The following ITLN1 variants were observed in gnomAD, a reference collection of about 807,000 sequenced individuals.
The protein encoded by ITLN1 is intelectin 1, also known as intelectin-1.
ITLN1 carries 29 observed loss-of-function variants against 36.2 expected under a neutral mutation model. The observed-to-expected ratio is 0.80, with a 90% CI of 0.60 to 1.09. The LOEUF is 1.09. Among genes scored for constraint, ITLN1 ranks in the 50% least tolerant of loss-of-function variants. ITLN1 has a pLI of 0.00. For missense variants in ITLN1, 358 were observed against 405.2 expected, an observed-to-expected ratio of 0.88 and a Z score of 1.00; for synonymous variants, 143 against 146.5, an observed-to-expected ratio of 0.98 and a Z score of 0.17.
chr1:160,881,105 C>T, intron 5 of ITLN1, 49 bp downstream of exon 5: 1 of 1,530,844 alleles, frequency 6.5e-7, no homozygotes. Flanking sequence ...CTAACACTTG[C>T]TTCTCTGTAC....
Position 160,876,714 on chromosome 1 carries a change from T to C in ITLN1, c.892A>G (p.Ser298Gly), listed in dbSNP as rs760967059. 36 of 1,614,122 alleles carry C rather than the reference T, an allele frequency of 2.2e-5. No homozygotes were observed. Among genetic ancestry groups the C allele is most frequent in the Non-Finnish European group, 3.1e-5 (36 of 1,180,048 alleles). ...WSGYGTHVGY[S>G]SSREITEAAV... ...GCCTCAGTTATCTCACGGCTGCTGC[T>C]GTAACCAACATGAGTTCCATATCCA... The change falls in exon 8 of 8, where the codon AGC (serine) becomes GGC (glycine). Residue 298 changes from serine (S) to glycine (G), a missense_variant. Coordinates refer to ENST00000326245, the MANE Select transcript of ITLN1 (RefSeq NM_017625.3).
At chr1:160,876,876 T>A in intron 7 of ITLN1, 60 bp from the exon 8 acceptor site, 2 of 1,527,486 alleles carry the variant, frequency 1.3e-6, no homozygotes, top group Non-Finnish European at 1.8e-6. Flanking sequence ...GCCAATGCCA[T>A]CTTAACAGCT....
In ITLN1 at chr1:160,877,609, C is replaced by T. The variant is rs922929972; in HGVS notation, c.790-793G>A. On this transcript the variant is annotated intron_variant, in intron 7 of 7. Transcript: ENST00000326245. Reference sequence around the variant, plus strand: ...CCTATTCATCATCCAGACACTCTGACTTCATAAATGACACTCCCTCACCCA... The same window carrying T: ...CCTATTCATCATCCAGACACTCTGATTTCATAAATGACACTCCCTCACCCA... Among the ~76,000 whole-genome samples the T allele has an allele frequency of 2.6e-5, 4 of 152,170 alleles. No individual in the cohort carries two copies. The East Asian group carries it at 7.7e-4, about 29-fold the overall frequency.
intron 3 of ITLN1, 77 bp from the exon 4 acceptor site, chr1:160,882,281 T>TA: frequency 6.6e-7 from 1 of 1,510,342 alleles, no homozygotes. Flanking sequence ...AGAAAGGCCC[T>TA]AGGAACCAGA....
Position 160,885,166 on chromosome 1 carries a change from C to G in ITLN1, c.-112G>C, listed in dbSNP as rs527357763. 2.7e-4 allele frequency: 85 copies of G among 316,412 alleles called. No homozygotes were observed. The highest frequency in any genetic ancestry group is 1.7e-3 in the African/African-American group (80 of 47,686). 19.6% of individuals were successfully genotyped at this position (316,412 alleles called of 1,614,324 possible). A position where few individuals can be genotyped will look rare whatever the true frequency, so the allele number is the denominator to read the frequency against. On this transcript the variant is annotated 5_prime_UTR_variant, in exon 1 of 8. Coordinates refer to ENST00000326245, the MANE Select transcript of ITLN1 (RefSeq NM_017625.3). ...CAGAGTGCAGCTTTCTCCAAAAACG[C>G]TCCTGATGTGGAATGAGGTGCAGAA...
rs150684937 is a variant in ITLN1 at position 160,882,095 on chromosome 1, G to A, written c.267C>T (p.Asp89=). The A allele has an allele frequency of 6.2e-6, 10 of 1,614,088 alleles. No homozygotes were observed. The highest frequency in any genetic ancestry group is 6.8e-6 in the Non-Finnish European group (8 of 1,180,044). The change falls in exon 4 of 8, where the codon GAC becomes GAT. Residue 89 remains aspartate (D), a synonymous_variant. Transcript: ENST00000326245. ...WTLVASVHEN[D]MRGKCTVGDR... is the part of the protein sequence containing the mutation. ...CGCCCACCGTGCACTTCCCACGCAT[G>A]TCATTCTCGTGCACGCTGGCCACCA...
chr1:160,882,865 G>GTTTTGT (rs1185258199), intron 3 of ITLN1, among the ~76,000 whole-genome samples: 15 of 151,992 alleles, frequency 9.9e-5, no homozygotes, highest in East Asian at 1.9e-4. Context: ...TTTTTGTTTT[G>GTTTTGT]TTTTGTTTTT....
intron 7 of ITLN1, among the ~76,000 whole-genome samples, chr1:160,878,790 A>G (rs1670634234): frequency 6.6e-6 from 1 of 152,102 alleles, no homozygotes; most frequent in South Asian, 2.1e-4. Context: ...GAGCCTTAAC[A>G]TTTCAACCAC....
intron 7 of ITLN1, among the ~76,000 whole-genome samples, chr1:160,877,388 T>C (rs547658150): frequency 2.6e-4 from 39 of 152,096 alleles, no homozygotes; most frequent in Non-Finnish European, 5.1e-4. Flanking sequence ...GGAGGACCTA[T>C]CTCCCTCTCC....
chr1:160,880,578 A>C lies in ITLN1; in HGVS notation c.685+10T>G. 2 of 1,613,754 alleles carry C rather than the reference A, an allele frequency of 1.2e-6. No homozygotes were observed. The highest frequency in any genetic ancestry group is 1.7e-6 in the Non-Finnish European group (2 of 1,179,808). On this transcript the variant is annotated intron_variant, in intron 6 of 7. Coordinates refer to ENST00000326245, the MANE Select transcript of ITLN1 (RefSeq NM_017625.3). ...CCTACCAGGAGTTCAGAGGATCATT[A>C]AAGACTCACGCTGGCCATAGGGTGA...
rs76740360 is a variant in ITLN1, at chr1:160,880,750, C to T, written c.565-42G>A. The T allele has an allele frequency of 5.6e-3, 9,013 of 1,608,350 alleles. 226 individuals are homozygous for T. The East Asian group carries it at 0.067, about 12-fold the overall frequency. Reference sequence around the variant, plus strand: ...AAAAGTCATGGAGTAAAGACAATAGCTTTGCCATTACCAGCATCTCCTGGG... The same window carrying T: ...AAAAGTCATGGAGTAAAGACAATAGTTTTGCCATTACCAGCATCTCCTGGG... On this transcript the variant is annotated intron_variant, in intron 5 of 7. Coordinates refer to ENST00000326245, the MANE Select transcript of ITLN1 (RefSeq NM_017625.3).
chr1:160,884,516 A>G (rs1291196026), intron 2 of ITLN1, among the ~76,000 whole-genome samples: 1 of 152,214 alleles, frequency 6.6e-6, no homozygotes, highest in Non-Finnish European at 1.5e-5. Flanking sequence ...AAAGCAGACC[A>G]TGTAGTTCCC....
intron 3 of ITLN1, 32 bp downstream of exon 3, chr1:160,883,396 A>G: frequency 6.9e-7 from 1 of 1,454,358 alleles, no homozygotes; most frequent in Non-Finnish European, 9.7e-7. Context: ...TGATACCCTG[A>G]CTGAGCTCTG....
At chr1:160,881,662 C>T (rs909745159) in intron 4 of ITLN1, 10 of 530,422 alleles carry the variant, frequency 1.9e-5, no homozygotes, top group South Asian at 5.1e-5. Flanking sequence ...TACAAAAATT[C>T]GCTGAGTATG....
chr1:160,885,083 T>C lies in ITLN1; in HGVS notation c.-29A>G. The C allele has an allele frequency of 1.9e-6, 1 of 515,210 alleles. No homozygotes were observed. Among genetic ancestry groups the C allele is most frequent in the East Asian group, 2.9e-5 (1 of 34,048 alleles). The allele number at this position is 515,210 out of a possible 1,614,324, so 31.9% of individuals were successfully genotyped here. On this transcript the variant is annotated 5_prime_UTR_variant, in exon 1 of 8. Coordinates refer to ENST00000326245, the MANE Select transcript of ITLN1 (RefSeq NM_017625.3). The stretch of plus-strand genomic sequence containing the variant: ...GACCTTGTCTGAGTCTCAGCTGCAC[T>C]TTCCTTGGGTACAGAGAGCTCCTTC...
chr1:160,881,836 TTTCTCTCTTC>T, intron 4 of ITLN1, 111 bp downstream of exon 4: 1 of 1,293,536 alleles, frequency 7.7e-7, no homozygotes, highest in Non-Finnish European at 1.1e-6. Flanking sequence ...GATATAAGTA[TTTCTCTCTTC>T]TTCTCCAGCC....
intron 2 of ITLN1, among the ~76,000 whole-genome samples, chr1:160,883,997 G>A (rs548785485): frequency 6.6e-6 from 1 of 152,330 alleles, no homozygotes; most frequent in Admixed American, 6.5e-5. Flanking sequence ...GCAGTTGCCT[G>A]GGAGAAGAAG....
At chr1:160,881,820 A>AG in intron 4 of ITLN1, 137 bp downstream of exon 4, 1 of 1,221,434 alleles carries the variant, frequency 8.2e-7, no homozygotes, top group East Asian at 2.4e-5. Flanking sequence ...AAAAAAAAAA[A>AG]AAAAAGATAT....
At position 160,876,673 on chromosome 1, in the gene ITLN1, G is replaced by C. The variant is rs1293225256; in HGVS notation, c.933C>G (p.Phe311Leu). 2 of 1,614,216 alleles carry C rather than the reference G, an allele frequency of 1.2e-6. No homozygotes were observed. The highest frequency in any genetic ancestry group is 3.3e-5 in the Admixed American group (2 of 60,020). Residue 311 changes from phenylalanine to leucine, a missense_variant, in exon 8 of 8, where the codon TTC becomes TTG. Physicochemically the swap from Phe to Leu is conservative, Grantham distance 22 (BLOSUM62 0). Transcript: ENST00000326245. ...REITEAAVLLFYR is the reference protein window; with the variant it reads ...REITEAAVLLLYR ...CCCTCCCACAAAACTCTCAACGATA[G>C]AATAGAAGCACAGCTGCCTCAGTTA...
Sources: allele counts gnomAD v4.1 joint callset (sites outside exome capture counted in the v4.1 genomes callset), GRCh38; gene constraint gnomAD v4.1.1; transcripts MANE v1.5; gene names NCBI Gene and HGNC (gene_info 2026-07-23, HGNC 2026-07-21).